Variants in TBCB observed in about 807,000 individuals in gnomAD.
TBCB encodes tubulin folding cofactor B, also known as tubulin-folding cofactor B.
TBCB carries 18 observed loss-of-function variants against 29.2 expected under a neutral mutation model. That is an observed-to-expected ratio of 0.62 (90% CI 0.43 to 0.91). The LOEUF is 0.91. TBCB is among the 40% of genes least tolerant of loss of function. TBCB has a pLI of 0.00. For synonymous variants in TBCB, 172 were observed against 137.8 expected (o/e 1.25, Z -1.74); for missense variants, 336 against 337.6 (o/e 1.00, Z 0.04).
intron 2 of TBCB, 76 bp from the exon 3 acceptor site, chr19:36,120,634 A>G (rs1483622452): frequency 1.6e-6 from 2 of 1,267,652 alleles, no homozygotes; most frequent in Non-Finnish European, 2.3e-6. Flanking sequence ...AGATGGAGAC[A>G]CTGAAGTCCC....
intron 2 of TBCB, 50 bp downstream of exon 2, chr19:36,116,234 T>C: frequency 6.2e-7 from 1 of 1,600,906 alleles, no homozygotes; most frequent in Non-Finnish European, 8.5e-7. Context: ...TTCATTTGGT[T>C]ATTCAACAGA....
intron 4 of TBCB, among the ~76,000 whole-genome samples, chr19:36,123,254 C>CTTTTTTTTTTTTTTT (rs201890657): frequency 7.6e-6 from 1 of 131,448 alleles, no homozygotes. Flanking sequence ...GAACCTTCTT[C>CTTTTTTTTTTTTTTT]TTTTTTTTTT....
At chr19:36,117,580 G>A (rs1973976768) in intron 2 of TBCB, among the ~76,000 whole-genome samples, 1 of 152,080 alleles carries the variant, frequency 6.6e-6, no homozygotes, top group Non-Finnish European at 1.5e-5. Context: ...TTGAACTCCT[G>A]ACCTCAAGTG....
chr19:36,125,767 G>A lies in TBCB; in HGVS notation c.720G>A (p.Gly240=). 6.5e-7 allele frequency: 1 copy of A among 1,543,024 alleles called. No homozygotes were observed. The highest frequency in any genetic ancestry group is 8.7e-7 in the Non-Finnish European group (1 of 1,145,094). The change falls in exon 6 of 6, where the codon GGG becomes GGA. Residue 240 remains glycine, a synonymous_variant. Transcript: ENST00000221855. ...TVGDFPEEDY[G]LDEI ...GGGACTTCCCGGAGGAGGACTACGG[G>A]TTGGACGAGATATGACACCTAAGGA... is the stretch of plus-strand genomic sequence containing the variant.
upstream of TBCB, chr19:36,115,001 G>A (rs1294909466): frequency 4.0e-6 from 3 of 748,210 alleles, no homozygotes; most frequent in Non-Finnish European, 6.6e-6. Flanking sequence ...CTCGGGCTCG[G>A]CTCTCTCCGC....
chr19:36,116,185 G>A lies in TBCB; in HGVS notation c.258+1G>A. The A allele has an allele frequency of 1.2e-6, 2 of 1,613,792 alleles. No individual in the cohort carries two copies. The highest frequency in any genetic ancestry group is 2.2e-5 in the East Asian group (1 of 44,860). On this transcript the variant is annotated splice_donor_variant, in intron 2 of 5. Transcript: ENST00000221855. LOFTEE classifies it high-confidence loss of function. ...TGTAGATGACGGCTGCCGCATCCACGTGAGGACTCTCTATCTGGGACACTC... is the reference window on the plus strand; with the variant it reads ...TGTAGATGACGGCTGCCGCATCCACATGAGGACTCTCTATCTGGGACACTC...
At position 36,115,587 on chromosome 19, in the gene TBCB, C is replaced by T; in HGVS notation, c.27C>T (p.Pro9=). The T allele has an allele frequency of 1.2e-6, 2 of 1,609,998 alleles. No homozygotes were observed. The highest frequency in any genetic ancestry group is 1.7e-6 in the Non-Finnish European group (2 of 1,178,466). ...TGGAGGTGACGGGGGTGTCGGCACC[C>T]ACGGTGACCGTTTTCATCAGCAGCT... The part of the protein sequence containing the change: MEVTGVSA[P]TVTVFISSSL... The change falls in exon 1 of 6, where the codon CCC becomes CCT. Residue 9 remains proline (P), a synonymous_variant. Coordinates refer to ENST00000221855, the MANE Select transcript of TBCB (RefSeq NM_001281.3).
At position 36,115,555 on chromosome 19, in the gene TBCB, G is replaced by T. The variant is rs763258952; in HGVS notation, c.-6G>T. On this transcript the variant is annotated 5_prime_UTR_variant, in exon 1 of 6. Transcript: ENST00000221855. ...CGCGCTGCAGGCATCCGCAGGGCGC[G>T]GCAAGATGGAGGTGACGGGGGTGTC... 3.4e-5 allele frequency: 55 copies of T among 1,600,310 alleles called. No individual in the cohort carries two copies. Among genetic ancestry groups the T allele is most frequent in the Admixed American group, 6.8e-5 (4 of 58,866 alleles).
Position 36,115,689 on chromosome 19 carries a change from G to A in TBCB, c.114+15G>A, listed in dbSNP as rs1345382769. Reference sequence around the variant, plus strand: ...CTGAGTTCAAGGTGTGGCCATGGGGGCGGGGTCCGGAGGGGCGGGGCGAAG... The same window carrying A: ...CTGAGTTCAAGGTGTGGCCATGGGGACGGGGTCCGGAGGGGCGGGGCGAAG... On this transcript the variant is annotated intron_variant, in intron 1 of 5. Coordinates refer to ENST00000221855, the MANE Select transcript of TBCB (RefSeq NM_001281.3). 2 of 1,573,970 alleles carry A rather than the reference G, an allele frequency of 1.3e-6. No individual in the cohort carries two copies. Among genetic ancestry groups the A allele is most frequent in the East Asian group, 2.4e-5 (1 of 42,530 alleles).
rs199554432 is a variant in TBCB at position 36,116,023 on chromosome 19, C to T, written c.115-18C>T. On this transcript the variant is annotated intron_variant, in intron 1 of 5. Coordinates refer to ENST00000221855, the MANE Select transcript of TBCB (RefSeq NM_001281.3). The stretch of plus-strand genomic sequence containing the variant: ...GCCTCCGTGGCCTCCTTCTTCTCAC[C>T]CTGCCTCCTCCTCACAGTGTAAACT... The T allele has an allele frequency of 1.6e-4, 260 of 1,609,128 alleles. 1 individual carries two copies. In the African/African-American group the frequency reaches 3.1e-3, roughly 19 times the overall value.
At chr19:36,116,233 T>C in intron 2 of TBCB, 49 bp downstream of exon 2, 1 of 1,601,366 alleles carries the variant, frequency 6.2e-7, no homozygotes, top group Non-Finnish European at 8.5e-7. Flanking sequence ...TTTCATTTGG[T>C]TATTCAACAG....
chr19:36,120,210 G>A (rs1974021070), intron 2 of TBCB, among the ~76,000 whole-genome samples: 1 of 152,148 alleles, frequency 6.6e-6, no homozygotes, highest in African/African-American at 2.4e-5. Flanking sequence ...ACAGCCTGAG[G>A]GCAGAGTGCG....
At chr19:36,119,387 T>G (rs965158333) in intron 2 of TBCB, among the ~76,000 whole-genome samples, 2 of 151,834 alleles carry the variant, frequency 1.3e-5, no homozygotes, top group Admixed American at 6.6e-5. Context: ...CCACATCCAC[T>G]CTCATCAAAT....
chr19:36,115,054 G>T, upstream of TBCB: 2 of 607,492 alleles, frequency 3.3e-6, no homozygotes, highest in South Asian at 2.0e-5. Context: ...ATATCTTAGA[G>T]TAATTGCTTC....
intron 2 of TBCB, 171 bp downstream of exon 2, chr19:36,116,355 GT>G (rs1228115369): frequency 5.1e-5 from 46 of 901,092 alleles, no homozygotes; most frequent in Non-Finnish European, 7.3e-5. Flanking sequence ...ACAGCCTAGA[GT>G]GGTCTGGGCT....
chr19:36,120,433 G>A lies in TBCB; in HGVS notation c.259-277G>A, dbSNP rs1290451124. 6.4e-6 allele frequency: 3 copies of A among 465,708 alleles called. No individual in the cohort carries two copies. The East Asian group carries it at 1.2e-4, about 19-fold the overall frequency. The allele number at this position is 465,708 out of a possible 1,614,324, so 28.8% of individuals were successfully genotyped here. Reference sequence around the variant, plus strand: ...CTGAGCTCTGCCGGTTGGACTCTGTGACTTTGGGGCCCTTGGCGATGTTGA... The same window carrying A: ...CTGAGCTCTGCCGGTTGGACTCTGTAACTTTGGGGCCCTTGGCGATGTTGA... On this transcript the variant is annotated intron_variant, in intron 2 of 5. Coordinates refer to ENST00000221855, the MANE Select transcript of TBCB (RefSeq NM_001281.3).
intron 4 of TBCB, among the ~76,000 whole-genome samples, chr19:36,122,416 G>C (rs914452788): frequency 2.6e-5 from 4 of 151,780 alleles, no homozygotes; most frequent in African/African-American, 9.7e-5. Flanking sequence ...TTGCACCCTA[G>C]CCTGGGCAGC....
At chr19:36,116,938 C>T (rs1284509081) in intron 2 of TBCB, among the ~76,000 whole-genome samples, 1 of 152,108 alleles carries the variant, frequency 6.6e-6, no homozygotes, top group African/African-American at 2.4e-5. Context: ...GTCCTTATTC[C>T]CTCCCGACCT....
At chr19:36,119,361 G>A (rs8113579) in intron 2 of TBCB, among the ~76,000 whole-genome samples, 19,701 of 152,024 alleles carry the variant, frequency 0.13, 1,602 homozygotes, top group Middle Eastern at 0.22. Flanking sequence ...CCTTGGGCCC[G>A]CTCTCTCCCT....
Sources: allele counts gnomAD v4.1 joint callset (sites outside exome capture counted in the v4.1 genomes callset), GRCh38; gene constraint gnomAD v4.1.1; transcripts MANE v1.5; gene names NCBI Gene and HGNC (gene_info 2026-07-23, HGNC 2026-07-21).